The following RASGRP3 variants were observed in gnomAD, a reference collection of about 807,000 sequenced individuals.
The protein encoded by RASGRP3 is RAS guanyl releasing protein 3, also known as ras guanyl-releasing protein 3.
RASGRP3 carries 54 observed loss-of-function variants against 82.7 expected under a neutral mutation model. The ratio of observed to expected loss-of-function variants is 0.65; its 90% confidence interval spans 0.52 to 0.82. The LOEUF is 0.82. Ranked by LOEUF, RASGRP3 falls within the 40% of genes least tolerant of loss-of-function variation. RASGRP3 has a pLI of 0.00. For synonymous variants in RASGRP3, 309 were observed against 300.5 expected (o/e 1.03, Z -0.29); for missense variants, 861 against 828.9 (o/e 1.04, Z -0.48).
chr2:33,539,987 GAAAAA>G (rs78684398), intron 12 of RASGRP3: 15,775 of 114,660 alleles, frequency 0.14, 994 homozygotes, highest in African/African-American at 0.22. Flanking sequence ...GACTCCGTCT[GAAAAA>G]AAAAAAAAGA....
Position 33,563,564 on chromosome 2 carries a change from T to C in RASGRP3, c.*827T>C, listed in dbSNP as rs940737847. ...AAGATTCCTGAAGTAGAAATAGCAA[T>C]TAAGAAATTAATTCAAGTTTTGACG... On this transcript the variant is annotated 3_prime_UTR_variant, in exon 18 of 18. Coordinates refer to ENST00000403687, the MANE Select transcript of RASGRP3 (RefSeq NM_001139488.2). 1.2e-4 allele frequency: 18 copies of C among 151,138 alleles called. No homozygotes were observed. Among genetic ancestry groups the C allele is most frequent in the African/African-American group, 4.4e-4 (18 of 41,376 alleles). 9.4% of individuals were successfully genotyped at this position (151,138 alleles called of 1,614,324 possible).
chr2:33,459,545 G>A (rs542088638), intron 2 of RASGRP3, among the ~76,000 whole-genome samples: 1 of 152,132 alleles, frequency 6.6e-6, no homozygotes, highest in South Asian at 2.1e-4. Flanking sequence ...AAAGTGGTAA[G>A]GACAGATTTT....
chr2:33,544,939 A>G (rs1202589999), intron 13 of RASGRP3, among the ~76,000 whole-genome samples: 1 of 152,230 alleles, frequency 6.6e-6, no homozygotes, highest in Non-Finnish European at 1.5e-5. Flanking sequence ...TCTTCATTAT[A>G]TACCCAGAAC....
chr2:33,480,904 T>G (rs1402529546), intron 1 of RASGRP3, among the ~76,000 whole-genome samples: 1 of 152,216 alleles, frequency 6.6e-6, no homozygotes, highest in Non-Finnish European at 1.5e-5. Context: ...CTTTGATCTT[T>G]GAGCTCATCT....
chr2:33,472,685 G>A (rs1667127182), upstream of RASGRP3, among the ~76,000 whole-genome samples: 2 of 152,096 alleles, frequency 1.3e-5, no homozygotes, highest in East Asian at 1.9e-4. Context: ...GGTCAAGTAA[G>A]ATGGCTCACG....
chr2:33,556,973 C>G (rs1297123291), intron 15 of RASGRP3, among the ~76,000 whole-genome samples: 1 of 149,892 alleles, frequency 6.7e-6, no homozygotes, highest in Non-Finnish European at 1.5e-5. Flanking sequence ...TGGATTATCT[C>G]TTGTATTTTC....
intron 1 of RASGRP3, chr2:33,493,235 A>C (rs1669012523): frequency 1.3e-5 from 2 of 152,214 alleles, no homozygotes; most frequent in Admixed American, 1.3e-4. Context: ...ACAATGTGGG[A>C]AGCATTTGCT....
At chr2:33,513,790 G>C (rs577646596) in intron 2 of RASGRP3, 1 of 152,318 alleles carries the variant, frequency 6.6e-6, no homozygotes, top group Admixed American at 6.5e-5. Flanking sequence ...TGGCAAGTGG[G>C]ATAGCTCTCA....
chr2:33,548,414 A>G (rs1019549357), intron 13 of RASGRP3, among the ~76,000 whole-genome samples: 1 of 149,292 alleles, frequency 6.7e-6, no homozygotes, highest in Non-Finnish European at 1.5e-5. Flanking sequence ...TCTGTTGGAG[A>G]TGGCAGCAGG....
intron 12 of RASGRP3, among the ~76,000 whole-genome samples, chr2:33,540,837 A>G (rs1408236321): frequency 7.2e-6 from 1 of 139,404 alleles, no homozygotes; most frequent in African/African-American, 2.5e-5. Context: ...TATTTTTATT[A>G]TGGCTAAGTA....
chr2:33,445,755 A>G (rs1665465597), intron 1 of RASGRP3, among the ~76,000 whole-genome samples: 3 of 152,036 alleles, frequency 2.0e-5, no homozygotes, highest in African/African-American at 7.2e-5. Context: ...TATATTAATA[A>G]TATGTTAATT....
chr2:33,449,528 G>A (rs181367178), intron 2 of RASGRP3, among the ~76,000 whole-genome samples: 91 of 152,278 alleles, frequency 6.0e-4, no homozygotes, highest in Non-Finnish European at 9.6e-4. Flanking sequence ...TTGGGAGGCC[G>A]AGGGGGGCAG....
intron 1 of RASGRP3, among the ~76,000 whole-genome samples, chr2:33,495,658 G>C (rs937479258): frequency 6.6e-6 from 1 of 152,212 alleles, no homozygotes; most frequent in African/African-American, 2.4e-5. Context: ...CTGGGAGGCT[G>C]AGGCAGAAGG....
chr2:33,538,375 T>C (rs1348232220), intron 11 of RASGRP3, among the ~76,000 whole-genome samples: 1 of 151,848 alleles, frequency 6.6e-6, no homozygotes, highest in Non-Finnish European at 1.5e-5. Flanking sequence ...TGATGGTGGG[T>C]ATCTGTAATA....
chr2:33,479,684 C>G (rs1004169099), intron 1 of RASGRP3, among the ~76,000 whole-genome samples: 10 of 152,158 alleles, frequency 6.6e-5, no homozygotes, highest in Non-Finnish European at 1.3e-4. Flanking sequence ...CTTCTCCACA[C>G]ACCAGTTGCA....
chr2:33,543,537 A>G lies in RASGRP3; in HGVS notation c.1304A>G (p.Asp435Gly). 6.2e-7 allele frequency: 1 copy of G among 1,608,950 alleles called. No homozygotes were observed. Among genetic ancestry groups the G allele is most frequent in the Non-Finnish European group, 8.5e-7 (1 of 1,175,886 alleles). ...TCTGTATTTAGAAACTATGATCACG[A>G]CCATGATGGGTACATTTCCCAAGAG... Reference protein sequence around the residue: ...VESVFRNYDHDHDGYISQEDF... With the variant: ...VESVFRNYDHGHDGYISQEDF... Residue 435 changes from aspartate to glycine, a missense_variant, in exon 13 of 18, where the codon GAC becomes GGC. By Grantham distance (94) the Asp-to-Gly change is moderately conservative. Transcript: ENST00000403687.
At chr2:33,526,994 T>C in intron 9 of RASGRP3, 143 bp from the exon 10 acceptor site, 1 of 869,462 alleles carries the variant, frequency 1.2e-6, no homozygotes, top group Non-Finnish European at 1.7e-6. Flanking sequence ...TTCTTTTTCC[T>C]GATTCATATT....
chr2:33,459,042 T>G lies in RASGRP3; in HGVS notation c.-261+11099T>G, dbSNP rs559326744. On this transcript the variant is annotated intron_variant, in intron 2 of 18. Coordinates refer to the RASGRP3 transcript ENST00000402538. ...ATCTAACATTTTTAACATAAATGAT[T>G]TCATAAATATGCCTGGTGGGATATA... 2.0e-5 allele frequency among the ~76,000 whole-genome samples: 3 copies of G among 152,352 alleles called. No individual in the cohort carries two copies. The South Asian group carries it at 6.2e-4, about 32-fold the overall frequency.
At chr2:33,436,919 G>A (rs1203444047) in intron 1 of RASGRP3, among the ~76,000 whole-genome samples, 1 of 151,940 alleles carries the variant, frequency 6.6e-6, no homozygotes, top group Non-Finnish European at 1.5e-5. Context: ...CTGCTTGTCT[G>A]CCCTTTTCAA....
Sources: allele counts gnomAD v4.1 joint callset (sites outside exome capture counted in the v4.1 genomes callset), GRCh38; gene constraint gnomAD v4.1.1; transcripts MANE v1.5; gene names NCBI Gene and HGNC (gene_info 2026-07-23, HGNC 2026-07-21).